The following FAM118B variants were observed in gnomAD, a reference collection of about 807,000 sequenced individuals.
The protein encoded by FAM118B is SIR2 antiphage like 1.
In FAM118B, 24 loss-of-function variants were observed where a neutral mutation model predicts 38.5. That is an observed-to-expected ratio of 0.62 (90% CI 0.45 to 0.88). The LOEUF is 0.88. Ranked by LOEUF, FAM118B falls within the 40% of genes least tolerant of loss-of-function variation. The pLI is 0.00. For missense variants in FAM118B, 334 were observed against 420.0 expected, an observed-to-expected ratio of 0.80 and a Z score of 1.79; for synonymous variants, 138 against 156.3, an observed-to-expected ratio of 0.88 and a Z score of 0.87.
At chr11:126,240,407 A>C (rs906447329) in intron 3 of FAM118B, among the ~76,000 whole-genome samples, 3 of 151,910 alleles carry the variant, frequency 2.0e-5, no homozygotes, top group Admixed American at 1.3e-4. Flanking sequence ...CTTTTTCTAG[A>C]GTACAAATCA....
chr11:126,261,239 A>C (rs1950690922), intron 7 of FAM118B, 186 bp from the exon 8 acceptor site: 1 of 578,556 alleles, frequency 1.7e-6, no homozygotes, highest in Non-Finnish European at 3.1e-6. Context: ...CTGTTAGGTA[A>C]TGCAAGTCTA....
intron 1 of FAM118B, among the ~76,000 whole-genome samples, chr11:126,221,171 A>C (rs1028286323): frequency 9.2e-5 from 14 of 152,200 alleles, no homozygotes; most frequent in African/African-American, 3.4e-4. Context: ...TGGGTGACAG[A>C]GTAAGACTCC....
At position 126,240,920 on chromosome 11, in the gene FAM118B, T is replaced by C. The variant is rs756505078; in HGVS notation, c.215T>C (p.Leu72Ser). Residue 72 changes from leucine to serine, a missense_variant, in exon 4 of 9, where the codon TTA (leucine) becomes TCA (serine). Leu to Ser is a moderately radical substitution (Grantham distance 145). Coordinates refer to ENST00000533050, the MANE Select transcript of FAM118B (RefSeq NM_024556.4). ...TCCTGGAAGGGGTTAATTCAGGCCTTACTGGATGCTGCCATTGATTTTGAT... is the reference window on the plus strand; with the variant it reads ...TCCTGGAAGGGGTTAATTCAGGCCTCACTGGATGCTGCCATTGATTTTGAT... ...LKSWKGLIQA[L>S]LDAAIDFDLL... is the part of the protein sequence containing the mutation. 1.9e-6 allele frequency: 3 copies of C among 1,614,188 alleles called. No homozygotes were observed. In the South Asian group the frequency reaches 3.3e-5, roughly 18 times the overall value.
intron 2 of FAM118B, among the ~76,000 whole-genome samples, chr11:126,230,166 C>A (rs1021783555): frequency 1.3e-5 from 2 of 152,148 alleles, no homozygotes; most frequent in African/African-American, 4.8e-5. Context: ...ATAGAGGAAA[C>A]CGTGAGTTTG....
chr11:126,217,193 T>C (rs2135123530), intron 1 of FAM118B, among the ~76,000 whole-genome samples: 1 of 152,370 alleles, frequency 6.6e-6, no homozygotes, highest in East Asian at 1.9e-4. Flanking sequence ...GAAAAAACGA[T>C]GTTGAACAAA....
chr11:126,261,150 TATGTGAAATGTAAA>T (rs1950687646), intron 7 of FAM118B: 5 of 255,176 alleles, frequency 2.0e-5, no homozygotes, highest in South Asian at 1.1e-4. Flanking sequence ...ATGTTGCCTG[TATGTGAAATGTAAA>T]ATGTAAAATG....
intron 1 of FAM118B, among the ~76,000 whole-genome samples, chr11:126,216,890 T>A (rs1180973722): frequency 6.6e-6 from 1 of 152,242 alleles, no homozygotes; most frequent in Non-Finnish European, 1.5e-5. Context: ...TTGTATTCAT[T>A]CATTTATTTT....
At chr11:126,216,324 C>T (rs111230146) in intron 1 of FAM118B, among the ~76,000 whole-genome samples, 7 of 151,892 alleles carry the variant, frequency 4.6e-5, no homozygotes, top group Non-Finnish European at 7.4e-5. Flanking sequence ...TGCGGTGAGT[C>T]GAGGTCGCAC....
At chr11:126,214,503 GTTT>G (rs769565375) in intron 1 of FAM118B, 2 of 28,266 alleles carry the variant, frequency 7.1e-5, no homozygotes, top group Admixed American at 6.3e-4. Flanking sequence ...TTTTTTTTTT[GTTT>G]TTTTTTTGTT....
intron 7 of FAM118B, among the ~76,000 whole-genome samples, chr11:126,257,456 C>T (rs566202370): frequency 6.6e-6 from 1 of 151,680 alleles, no homozygotes; most frequent in South Asian, 2.1e-4. Flanking sequence ...ACAGATATGC[C>T]AATATTTATT....
chr11:126,220,471 G>GAGGCCAGGGCAAGAGGATTGCTTGACA (rs1950049815), intron 1 of FAM118B, among the ~76,000 whole-genome samples: 1 of 152,060 alleles, frequency 6.6e-6, no homozygotes, highest in Non-Finnish European at 1.5e-5. Context: ...AACACTTTGG[G>GAGGCCAGGGCAAGAGGATTGCTTGACA]AGGCCAGGGC....
At chr11:126,230,818 A>T (rs1421605922) in intron 2 of FAM118B, among the ~76,000 whole-genome samples, 2 of 152,208 alleles carry the variant, frequency 1.3e-5, no homozygotes, top group Non-Finnish European at 2.9e-5. Flanking sequence ...GGAAGCCCAG[A>T]GCTTGCTATC....
rs527633971 is a variant in FAM118B at position 126,259,013 on chromosome 11, A to T, written c.982+2161A>T. ...GCTTTCCCCGAAGTTACCCATCATT[A>T]AGGTGTTCTGTATCTTTAAACAAAA... On this transcript the variant is annotated intron_variant, in intron 7 of 8. Coordinates refer to ENST00000533050, the MANE Select transcript of FAM118B (RefSeq NM_024556.4). Among the ~76,000 whole-genome samples the T allele has an allele frequency of 3.9e-5, 6 of 152,300 alleles. No individual in the cohort carries two copies. The East Asian group carries it at 1.2e-3, about 29-fold the overall frequency.
chr11:126,212,153 C>G (rs1436437093), intron 1 of FAM118B, among the ~76,000 whole-genome samples: 1 of 152,214 alleles, frequency 6.6e-6, no homozygotes, highest in African/African-American at 2.4e-5. Context: ...AGTCTCTCCA[C>G]CCTTCATCTT....
intron 3 of FAM118B, among the ~76,000 whole-genome samples, chr11:126,236,218 C>T (rs1007278199): frequency 6.6e-5 from 10 of 152,138 alleles, no homozygotes; most frequent in African/African-American, 1.4e-4. Flanking sequence ...TTTTGGTGCA[C>T]GCCTTTGTTT....
chr11:126,234,478 C>T (rs1219709514), intron 2 of FAM118B, among the ~76,000 whole-genome samples: 3 of 152,206 alleles, frequency 2.0e-5, no homozygotes, highest in Admixed American at 2.0e-4. Context: ...CCACTGGCTA[C>T]AAGGTCACCA....
intron 4 of FAM118B, among the ~76,000 whole-genome samples, chr11:126,241,579 T>A (rs115351146): frequency 5.9e-4 from 90 of 152,214 alleles, no homozygotes; most frequent in African/African-American, 2.1e-3. Flanking sequence ...GATGGAATCT[T>A]CTTCTTGTCA....
intron 3 of FAM118B, among the ~76,000 whole-genome samples, chr11:126,237,394 T>A (rs1318826331): frequency 6.9e-6 from 1 of 145,714 alleles, no homozygotes; most frequent in African/African-American, 2.5e-5. Context: ...CTAATTTTTA[T>A]TTTATTTATT....
At chr11:126,262,045 TA>T in intron 8 of FAM118B, 74 bp from the exon 9 acceptor site, 1 of 1,452,940 alleles carries the variant, frequency 6.9e-7, no homozygotes, top group South Asian at 1.1e-5. Flanking sequence ...AGGATTGACT[TA>T]AGTATCTGCA....
Sources: gnomAD v4.1 joint callset for allele counts (sites outside exome capture counted in the v4.1 genomes callset) on GRCh38, gnomAD v4.1.1 for gene constraint, MANE v1.5 for transcripts, NCBI Gene and HGNC (gene_info 2026-07-23, HGNC 2026-07-21) for gene names.